The following CACNA2D3 variants were observed in gnomAD, a reference collection of about 807,000 sequenced individuals.
CACNA2D3 encodes calcium voltage-gated channel auxiliary subunit alpha2delta 3, also known as voltage-dependent calcium channel subunit alpha-2/delta-3.
In CACNA2D3, 60 loss-of-function variants were observed where a neutral mutation model predicts 160.6. That is an observed-to-expected ratio of 0.37 (90% confidence interval 0.30 to 0.46). The LOEUF (loss-of-function observed/expected upper bound fraction) is 0.46, where lower values mean the gene tolerates loss of function less well. CACNA2D3 is among the 20% of genes least tolerant of loss of function. The pLI, the probability that CACNA2D3 is intolerant of heterozygous loss-of-function variation, is 1.00. For synonymous variants in CACNA2D3, 558 were observed against 492.9 expected (o/e 1.13, Z -1.75); for missense variants, 1,205 against 1,365.0 (o/e 0.88, Z 1.85).
intron 11 of CACNA2D3, among the ~76,000 whole-genome samples, chr3:54,711,399 C>G (rs1190004031): frequency 1.3e-5 from 2 of 152,168 alleles, no homozygotes; most frequent in Admixed American, 6.5e-5. Flanking sequence ...ATTTTTATAG[C>G]GATACTCTCT....
chr3:54,765,459 G>C (rs1702206377), intron 13 of CACNA2D3, among the ~76,000 whole-genome samples: 1 of 152,196 alleles, frequency 6.6e-6, no homozygotes, highest in Admixed American at 6.5e-5. Context: ...GCTTTTATCA[G>C]CTTGAGTCTG....
intron 11 of CACNA2D3, among the ~76,000 whole-genome samples, chr3:54,745,128 C>A (rs1236550925): frequency 6.6e-6 from 1 of 152,214 alleles, no homozygotes; most frequent in African/African-American, 2.4e-5. Context: ...CATGAAGGGA[C>A]ACACAGGGAA....
At chr3:54,146,253 C>T (rs1171689690) in intron 2 of CACNA2D3, among the ~76,000 whole-genome samples, 1 of 152,186 alleles carries the variant, frequency 6.6e-6, no homozygotes, top group African/African-American at 2.4e-5. Context: ...CTGGGTGTAA[C>T]TGTTATGAAT....
intron 11 of CACNA2D3, among the ~76,000 whole-genome samples, chr3:54,658,027 A>G (rs1699905206): frequency 6.6e-6 from 1 of 152,210 alleles, no homozygotes; most frequent in Non-Finnish European, 1.5e-5. Flanking sequence ...GTCTCAAAAA[A>G]GAAAAAAGAA....
intron 18 of CACNA2D3, among the ~76,000 whole-genome samples, chr3:54,874,057 T>TCC (rs1699604846): frequency 6.6e-6 from 1 of 152,114 alleles, no homozygotes; most frequent in Non-Finnish European, 1.5e-5. Context: ...TGCAGAGAAT[T>TCC]TCTTGGAAGG....
chr3:54,780,098 C>T (rs1438546136), intron 13 of CACNA2D3, among the ~76,000 whole-genome samples: 2 of 152,124 alleles, frequency 1.3e-5, no homozygotes, highest in Non-Finnish European at 2.9e-5. Flanking sequence ...ACAATGAGAC[C>T]CCAAGGCTTA....
At chr3:54,302,479 A>G (rs943812548) in intron 2 of CACNA2D3, among the ~76,000 whole-genome samples, 1 of 152,210 alleles carries the variant, frequency 6.6e-6, no homozygotes, top group Admixed American at 6.5e-5. Flanking sequence ...GGTCCCAAGT[A>G]TAAGATGGAA....
rs373480168 is a variant in CACNA2D3, at chr3:55,036,526, G to A, written c.2987+18209G>A. Among the ~76,000 whole-genome samples the A allele has an allele frequency of 2.6e-3, 389 of 151,526 alleles. 4 individuals are homozygous for A. Among genetic ancestry groups the A allele is most frequent in the South Asian group, 0.013 (61 of 4,800 alleles). ...TCTGTTGCCCAGGCTGGAGTCCAGTGGCGCGATCTTGGCTCACTGCAACCT... is the reference window on the plus strand; with the variant it reads ...TCTGTTGCCCAGGCTGGAGTCCAGTAGCGCGATCTTGGCTCACTGCAACCT... On this transcript the variant is annotated intron_variant, in intron 35 of 37. Transcript: ENST00000474759.
At chr3:54,868,276 T>C (rs1451916606) in intron 17 of CACNA2D3, among the ~76,000 whole-genome samples, 1 of 152,174 alleles carries the variant, frequency 6.6e-6, no homozygotes, top group Admixed American at 6.5e-5. Flanking sequence ...ATGAAAAGTG[T>C]TTCATACCCA....
At chr3:54,132,812 A>C (rs893126952) in intron 2 of CACNA2D3, among the ~76,000 whole-genome samples, 2 of 152,132 alleles carry the variant, frequency 1.3e-5, no homozygotes, top group African/African-American at 4.8e-5. Flanking sequence ...TCGAGATGCT[A>C]CTGCTGACTG....
At chr3:54,296,863 C>T (rs3934633) in intron 2 of CACNA2D3, among the ~76,000 whole-genome samples, 33,456 of 152,056 alleles carry the variant, frequency 0.22, 3,948 homozygotes, top group South Asian at 0.33. Context: ...ATGAATAAAA[C>T]GGGAGATTAG....
At chr3:54,142,552 T>C (rs1202172364) in intron 2 of CACNA2D3, among the ~76,000 whole-genome samples, 1 of 152,196 alleles carries the variant, frequency 6.6e-6, no homozygotes, top group Admixed American at 6.5e-5. Context: ...TTTCTCATCT[T>C]TGTTTTCCTC....
At chr3:54,229,055 C>CA (rs1218993739) in intron 2 of CACNA2D3, among the ~76,000 whole-genome samples, 2 of 152,220 alleles carry the variant, frequency 1.3e-5, no homozygotes, top group East Asian at 3.8e-4. Flanking sequence ...CCTAAACCAA[C>CA]AACACTGCTG....
At chr3:54,133,360 A>G (rs1699754719) in intron 2 of CACNA2D3, among the ~76,000 whole-genome samples, 3 of 152,198 alleles carry the variant, frequency 2.0e-5, no homozygotes, top group Non-Finnish European at 4.4e-5. Context: ...TCCACGTGGC[A>G]AAGGCAGACT....
At chr3:54,917,529 C>T (rs1270817892) in intron 27 of CACNA2D3, among the ~76,000 whole-genome samples, 2 of 152,204 alleles carry the variant, frequency 1.3e-5, no homozygotes, top group African/African-American at 4.8e-5. Flanking sequence ...ACTGATTGCT[C>T]AGAGTATGTT....
At chr3:55,019,158 T>A (rs1197437096) in intron 35 of CACNA2D3, among the ~76,000 whole-genome samples, 2 of 151,252 alleles carry the variant, frequency 1.3e-5, no homozygotes, top group Non-Finnish European at 2.9e-5. Context: ...TATGCAGATC[T>A]GTTTCCAGAT....
Position 54,447,157 on chromosome 3 carries a change from A to G in CACNA2D3, c.382-56335A>G, listed in dbSNP as rs140683432. ...GCTAATCTGTTTCAATTCAAAATAG[A>G]TGAAAACCACCACATGCATGGCAGC... On this transcript the variant is annotated intron_variant, in intron 4 of 37. Coordinates refer to ENST00000474759, the MANE Select transcript of CACNA2D3 (RefSeq NM_018398.3). 7.9e-4 allele frequency among the ~76,000 whole-genome samples: 120 copies of G among 152,320 alleles called. 2 individuals carry two copies. In the East Asian group the frequency reaches 0.019, roughly 24 times the overall value.
intron 18 of CACNA2D3, among the ~76,000 whole-genome samples, chr3:54,878,493 T>G (rs1313888559): frequency 1.3e-5 from 2 of 151,968 alleles, no homozygotes; most frequent in Non-Finnish European, 2.9e-5. Flanking sequence ...AGGTCATTAA[T>G]TGGCCCAGAT....
intron 9 of CACNA2D3, among the ~76,000 whole-genome samples, chr3:54,607,254 G>C: frequency 6.6e-6 from 1 of 152,118 alleles, no homozygotes; most frequent in East Asian, 1.9e-4. Flanking sequence ...CCCACCTCCT[G>C]TCCCTGAGGT....
Sources: allele counts gnomAD v4.1 joint callset (sites outside exome capture counted in the v4.1 genomes callset), GRCh38; gene constraint gnomAD v4.1.1; transcripts MANE v1.5; gene names NCBI Gene and HGNC (gene_info 2026-07-23, HGNC 2026-07-21).